DGKB: variants seen among roughly 807,000 people sequenced by gnomAD.
DGKB encodes 90 kDa diacylglycerol kinase.
DGKB carries 67 observed loss-of-function variants against 114.3 expected under a neutral mutation model. That is an observed-to-expected ratio of 0.59 (90% CI 0.48 to 0.72). DGKB has a LOEUF of 0.72. Among genes scored for constraint, DGKB ranks in the 30% least tolerant of loss-of-function variants. The pLI, the probability that DGKB is intolerant of heterozygous loss-of-function variation, is 0.00. For missense variants in DGKB, 907 were observed against 975.2 expected (o/e 0.93, Z 0.93); for synonymous variants, 398 against 323.1 (o/e 1.23, Z -2.49).
At chr7:14,813,303 C>T (rs1478920370) in intron 2 of DGKB, among the ~76,000 whole-genome samples, 1 of 152,144 alleles carries the variant, frequency 6.6e-6, no homozygotes, top group Non-Finnish European at 1.5e-5. Flanking sequence ...TTTACTTCAA[C>T]TTCAATAAAT....
intron 1 of DGKB, among the ~76,000 whole-genome samples, chr7:14,849,498 G>A (rs553818335): frequency 3.3e-5 from 5 of 152,076 alleles, no homozygotes; most frequent in African/African-American, 9.6e-5. Context: ...GCAGCAAGAA[G>A]GCCCTCACCA....
chr7:14,703,582 T>C (rs1825601952), intron 6 of DGKB, among the ~76,000 whole-genome samples: 3 of 152,174 alleles, frequency 2.0e-5, no homozygotes, highest in African/African-American at 7.2e-5. Flanking sequence ...AGGTTATCAA[T>C]CAGATGCTAG....
intron 17 of DGKB, among the ~76,000 whole-genome samples, chr7:14,593,455 C>A (rs1169649364): frequency 6.6e-6 from 1 of 151,808 alleles, no homozygotes; most frequent in Non-Finnish European, 1.5e-5. Flanking sequence ...TTAATATTGG[C>A]AGAAACATCA....
chr7:14,413,834 T>C (rs2128749373), intron 21 of DGKB, among the ~76,000 whole-genome samples: 1 of 152,198 alleles, frequency 6.6e-6, no homozygotes, highest in Middle Eastern at 3.4e-3. Context: ...TCTTCAGTAT[T>C]TTGGCTATAA....
At chr7:14,461,177 C>G (rs1293143065) in intron 21 of DGKB, among the ~76,000 whole-genome samples, 1 of 152,114 alleles carries the variant, frequency 6.6e-6, no homozygotes, top group African/African-American at 2.4e-5. Context: ...ACCCTAACAT[C>G]ACAATTAAAA....
At chr7:14,596,116 C>T (rs1802536166) in intron 17 of DGKB, among the ~76,000 whole-genome samples, 1 of 152,062 alleles carries the variant, frequency 6.6e-6, no homozygotes, top group African/African-American at 2.4e-5. Context: ...AAAACATGTA[C>T]TTTACACATA....
At chr7:14,537,723 T>C (rs1792743618) in intron 20 of DGKB, among the ~76,000 whole-genome samples, 1 of 152,134 alleles carries the variant, frequency 6.6e-6, no homozygotes, top group African/African-American at 2.4e-5. Flanking sequence ...CTTGTTAACA[T>C]TGATCTTGAC....
At chr7:14,368,837 G>C (rs1297387575) in intron 21 of DGKB, among the ~76,000 whole-genome samples, 1 of 152,126 alleles carries the variant, frequency 6.6e-6, no homozygotes, top group Non-Finnish European at 1.5e-5. Flanking sequence ...GGCACAGGAA[G>C]AGCCCGGGAG....
At chr7:14,221,401 A>G (rs1789947569) in intron 23 of DGKB, among the ~76,000 whole-genome samples, 1 of 151,320 alleles carries the variant, frequency 6.6e-6, no homozygotes, top group Non-Finnish European at 1.5e-5. Flanking sequence ...AGTTTTGTTG[A>G]GTACTTTATC....
At chr7:14,300,598 T>C (rs1243675598) in intron 23 of DGKB, among the ~76,000 whole-genome samples, 2 of 152,138 alleles carry the variant, frequency 1.3e-5, no homozygotes, top group Admixed American at 1.3e-4. Context: ...TGCAGTCAAA[T>C]TTAAATATTC....
chr7:14,157,877 C>T (rs577299484), intron 25 of DGKB, among the ~76,000 whole-genome samples: 2 of 152,250 alleles, frequency 1.3e-5, no homozygotes, highest in South Asian at 2.1e-4. Flanking sequence ...TACAAAAACA[C>T]TTCTTTTCTT....
rs201233871 is a variant in DGKB at position 14,895,047 on chromosome 7, T to C, written c.-188+7545A>G. On this transcript the variant is annotated intron_variant, in intron 1 of 25. Coordinates refer to ENST00000402815, the MANE Select transcript of DGKB (RefSeq NM_001350709.2). ...ATCAGCTTTTTGTGCTGTTTTTCTA[T>C]GTGGGACAAGTGTGAGGAAGTTACA... Among the ~76,000 whole-genome samples the C allele has an allele frequency of 1.1e-4, 16 of 151,716 alleles. No individual in the cohort carries two copies. The East Asian group carries it at 1.9e-3, about 18-fold the overall frequency.
chr7:14,462,834 G>A (rs1476370840), intron 21 of DGKB, among the ~76,000 whole-genome samples: 1 of 152,026 alleles, frequency 6.6e-6, no homozygotes, highest in East Asian at 1.9e-4. Context: ...CTACCTGACT[G>A]CAAACTATAT....
intron 21 of DGKB, among the ~76,000 whole-genome samples, chr7:14,449,975 T>A (rs916720912): frequency 4.6e-5 from 7 of 152,044 alleles, no homozygotes; most frequent in African/African-American, 1.7e-4. Context: ...AGTGAATTGT[T>A]TTTAAATTAG....
chr7:14,335,498 A>C (rs1810483605), intron 23 of DGKB, among the ~76,000 whole-genome samples: 1 of 152,172 alleles, frequency 6.6e-6, no homozygotes, highest in African/African-American at 2.4e-5. Context: ...GGCATATGAG[A>C]AACAGTGTTA....
At chr7:14,676,266 T>C (rs1379681158) in intron 12 of DGKB, among the ~76,000 whole-genome samples, 3 of 151,990 alleles carry the variant, frequency 2.0e-5, no homozygotes, top group Non-Finnish European at 2.9e-5. Context: ...CATTGGGCTC[T>C]GCCCTTTGGA....
At chr7:14,417,063 G>A (rs1298023704) in intron 21 of DGKB, among the ~76,000 whole-genome samples, 1 of 152,000 alleles carries the variant, frequency 6.6e-6, no homozygotes, top group East Asian at 1.9e-4. Context: ...GAAAGAACTA[G>A]GACCATAGGA....
chr7:14,607,593 A>T (rs888922128), intron 16 of DGKB, 85 bp from the exon 17 acceptor site: 18 of 453,398 alleles, frequency 4.0e-5, no homozygotes, highest in Admixed American at 2.0e-4. Flanking sequence ...TATAAAATAT[A>T]TATAGTTGCA....
intron 1 of DGKB, among the ~76,000 whole-genome samples, chr7:14,951,598 A>G (rs59227603): frequency 0.029 from 4,464 of 152,082 alleles, 213 homozygotes; most frequent in African/African-American, 0.1. Flanking sequence ...ATATCATTAT[A>G]TATTTGTCAA....
Sources: allele counts gnomAD v4.1 joint callset (sites outside exome capture counted in the v4.1 genomes callset), GRCh38; gene constraint gnomAD v4.1.1; transcripts MANE v1.5; gene names NCBI Gene and HGNC (gene_info 2026-07-23, HGNC 2026-07-21).